Variants in PNPLA7 observed in about 807,000 individuals in gnomAD.
The protein encoded by PNPLA7 is patatin-like phospholipase domain-containing protein 7.
In PNPLA7, 153 loss-of-function variants were observed where a neutral mutation model predicts 161.7. The ratio of observed to expected loss-of-function variants is 0.95; its 90% CI spans 0.83 to 1.08. PNPLA7 has a LOEUF of 1.08. Among genes scored for constraint, PNPLA7 ranks in the 50% least tolerant of loss-of-function variants. The pLI is 0.00. For missense variants in PNPLA7, 1,739 were observed against 1,856.6 expected (o/e 0.94, Z 1.16); for synonymous variants, 809 against 782.1 (o/e 1.03, Z -0.57).
At chr9:137,463,708 G>A (rs79906910) in intron 28 of PNPLA7, among the ~76,000 whole-genome samples, 177 bp from the exon 29 acceptor site, 1,797 of 152,216 alleles carry the variant, frequency 0.012, 51 homozygotes, top group East Asian at 0.082. Flanking sequence ...CTCTGGGGTC[G>A]CACTGCATTA....
chr9:137,494,408 A>G (rs1832926482), intron 19 of PNPLA7, among the ~76,000 whole-genome samples: 1 of 151,820 alleles, frequency 6.6e-6, no homozygotes, highest in African/African-American at 2.4e-5. Flanking sequence ...GCTCACCGTC[A>G]CCGCCCCCAC....
intron 12 of PNPLA7, among the ~76,000 whole-genome samples, chr9:137,514,723 T>C (rs1481523597): frequency 3.0e-5 from 4 of 134,602 alleles, no homozygotes; most frequent in East Asian, 2.3e-4. Context: ...GCCCTGTGGC[T>C]GGGCTGTGGG....
intron 25 of PNPLA7, among the ~76,000 whole-genome samples, chr9:137,477,138 G>A (rs553829976): frequency 6.6e-6 from 1 of 152,240 alleles, no homozygotes; most frequent in African/African-American, 2.4e-5. Flanking sequence ...TGGGGGCAGC[G>A]GTAGGAGGCT....
intron 12 of PNPLA7, among the ~76,000 whole-genome samples, chr9:137,507,141 G>A (rs138523357): frequency 6.6e-6 from 1 of 152,366 alleles, no homozygotes; most frequent in Non-Finnish European, 1.5e-5. Context: ...CGGGTTTCAC[G>A]GAGCTGGCAC....
chr9:137,462,647 G>A (rs1377123991), intron 30 of PNPLA7, 38 bp downstream of exon 30: 1 of 1,606,838 alleles, frequency 6.2e-7, no homozygotes, highest in Admixed American at 1.7e-5. Context: ...GCAGGGAGGA[G>A]CAGCAGGGAC....
At chr9:137,501,957 G>C (rs1833451431) in intron 14 of PNPLA7, among the ~76,000 whole-genome samples, 1 of 152,270 alleles carries the variant, frequency 6.6e-6, no homozygotes, top group Admixed American at 6.5e-5. Flanking sequence ...AAACAGTGGA[G>C]CAAGGCAGAA....
At chr9:137,465,187 C>T (rs543288175) in intron 26 of PNPLA7, among the ~76,000 whole-genome samples, 3 of 152,284 alleles carry the variant, frequency 2.0e-5, no homozygotes, top group South Asian at 4.1e-4. Context: ...GAGAACGCCT[C>T]GGCCACAGGC....
chr9:137,484,808 C>T, intron 20 of PNPLA7, 72 bp from the exon 21 acceptor site: 1 of 1,476,792 alleles, frequency 6.8e-7, no homozygotes, highest in Non-Finnish European at 9.1e-7. Flanking sequence ...GCCCTGGGGC[C>T]CCCCGAGGCT....
At position 137,507,358 on chromosome 9, in the gene PNPLA7, C is replaced by T. The variant is rs1357117518; in HGVS notation, c.1226-1275G>A. Among the ~76,000 whole-genome samples the T allele has an allele frequency of 5.9e-5, 9 of 152,236 alleles. No individual in the cohort carries two copies. In the East Asian group the frequency reaches 9.6e-4, roughly 16 times the overall value. On this transcript the variant is annotated intron_variant, in intron 12 of 34. Coordinates refer to ENST00000406427, the MANE Select transcript of PNPLA7 (RefSeq NM_001098537.3). The stretch of plus-strand genomic sequence containing the variant: ...ACAGGGGAACACTGGGGTGTAATGA[C>T]CACACCTTGTACGTCAACAAGCATG...
chr9:137,530,229 T>C (rs1835519236), intron 8 of PNPLA7, among the ~76,000 whole-genome samples: 1 of 152,200 alleles, frequency 6.6e-6, no homozygotes, highest in South Asian at 2.1e-4. Flanking sequence ...CCTCCCAAAG[T>C]GTTGGGATTA....
rs956172645 is a variant in PNPLA7 at position 137,467,298 on chromosome 9, G to T, written c.3039+19C>A. 14 of 1,605,856 alleles carry T rather than the reference G, an allele frequency of 8.7e-6. No individual in the cohort carries two copies. The highest frequency in any genetic ancestry group is 1.7e-5 in the Admixed American group (1 of 59,306). On this transcript the variant is annotated intron_variant, in intron 26 of 34. Coordinates refer to ENST00000406427, the MANE Select transcript of PNPLA7 (RefSeq NM_001098537.3). This position sits in a 1 kb window ranked among gnomAD's most constrained non-coding sequence, Gnocchi z 5.1. ...ACCTGGGGGCTGTGCTCCGGTGAGG[G>T]TGATGGGTGCCTGCTTACCTCGGCC...
intron 11 of PNPLA7, among the ~76,000 whole-genome samples, chr9:137,518,617 A>C (rs1456564406): frequency 7.1e-5 from 2 of 28,240 alleles, no homozygotes; most frequent in African/African-American, 1.6e-4. Context: ...TCCATCCCCC[A>C]CTCACTCACT....
Position 137,480,301 on chromosome 9 carries a change from C to A in PNPLA7, c.2580+11G>T. On this transcript the variant is annotated intron_variant, in intron 23 of 34. Coordinates refer to ENST00000406427, the MANE Select transcript of PNPLA7 (RefSeq NM_001098537.3). ...GCTCTCCCCAGCTCCACCGGCCCTC[C>A]CCGTGCTCACCTCGCCCACTGTGGG... is the stretch of plus-strand genomic sequence containing the variant. 6.2e-7 allele frequency: 1 copy of A among 1,610,264 alleles called. No individual in the cohort carries two copies. The highest frequency in any genetic ancestry group is 8.5e-7 in the Non-Finnish European group (1 of 1,179,416).
At chr9:137,545,031 T>C (rs572395178) in intron 4 of PNPLA7, among the ~76,000 whole-genome samples, 1 of 152,258 alleles carries the variant, frequency 6.6e-6, no homozygotes, top group Admixed American at 6.5e-5. Context: ...GGGATCAGTC[T>C]GTGCGGTTTC....
In PNPLA7 at chr9:137,468,535, G is replaced by C. The variant is rs956601973; in HGVS notation, c.2883-1062C>G. On this transcript the variant is annotated intron_variant, in intron 25 of 34. Coordinates refer to ENST00000406427, the MANE Select transcript of PNPLA7 (RefSeq NM_001098537.3). This position sits in a 1 kb window ranked among gnomAD's most constrained non-coding sequence, Gnocchi z 4.0. ...GAGCTCGGATGCAAGCCACAGCTGG[G>C]GGGGACCCTGGAGGCATTTGCTGTG... 1.3e-5 allele frequency among the ~76,000 whole-genome samples: 2 copies of C among 152,164 alleles called. No individual in the cohort carries two copies. The highest frequency in any genetic ancestry group is 2.9e-5 in the Non-Finnish European group (2 of 68,028).
intron 8 of PNPLA7, among the ~76,000 whole-genome samples, chr9:137,539,220 G>A (rs566192982): frequency 6.6e-6 from 1 of 152,138 alleles, no homozygotes; most frequent in Non-Finnish European, 1.5e-5. Flanking sequence ...GCGCATGCCT[G>A]TAATCCCAGC....
chr9:137,462,645 G>T, intron 30 of PNPLA7, 40 bp downstream of exon 30: 1 of 1,606,146 alleles, frequency 6.2e-7, no homozygotes, highest in Non-Finnish European at 8.5e-7. Context: ...CTGCAGGGAG[G>T]AGCAGCAGGG....
In PNPLA7 at chr9:137,503,675, A is replaced by G. The variant is rs1185516679; in HGVS notation, c.1473+1939T>C. On this transcript the variant is annotated intron_variant, in intron 14 of 34. Transcript: ENST00000406427. ...GGAAGAAGGAGAAGGGGAAGGAAGAAGGAGAAGGGGAGGGAAGAAAGAAGG... is the reference window on the plus strand; with the variant it reads ...GGAAGAAGGAGAAGGGGAAGGAAGAGGGAGAAGGGGAGGGAAGAAAGAAGG... Among the ~76,000 whole-genome samples, 3 of 137,040 alleles carry G rather than the reference A, an allele frequency of 2.2e-5. No homozygotes were observed. The East Asian group carries it at 7.0e-4, about 32-fold the overall frequency. The allele number at this position is 137,040 out of a possible 152,430, so 89.9% of individuals were successfully genotyped here.
intron 4 of PNPLA7, among the ~76,000 whole-genome samples, chr9:137,545,596 A>G (rs529375895): frequency 6.6e-5 from 10 of 152,374 alleles, no homozygotes; most frequent in Non-Finnish European, 1.2e-4. Flanking sequence ...GTTATACTAC[A>G]TATAGATCTT....
Sources: gnomAD v4.1 joint callset for allele counts (sites outside exome capture counted in the v4.1 genomes callset) on GRCh38, gnomAD v4.1.1 for gene constraint, Gnocchi (gnomAD v3.1) non-coding constraint, MANE v1.5 for transcripts, NCBI Gene and HGNC (gene_info 2026-07-23, HGNC 2026-07-21) for gene names.